DLG2: variants seen among roughly 807,000 people sequenced by gnomAD.
DLG2 encodes the protein discs large MAGUK scaffold protein 2.
In DLG2, 45 loss-of-function variants were observed where a neutral mutation model predicts 132.5. The ratio of observed to expected loss-of-function variants is 0.34; its 90% CI spans 0.27 to 0.44. The LOEUF (loss-of-function observed/expected upper bound fraction) is 0.44, where lower values mean the gene tolerates loss of function less well. Among genes scored for constraint, DLG2 ranks in the 20% least tolerant of loss-of-function variants. The pLI, the probability that DLG2 is intolerant of heterozygous loss-of-function variation, is 1.00. For missense variants in DLG2, 1,045 were observed against 1,196.9 expected, an observed-to-expected ratio of 0.87 and a Z score of 1.87; for synonymous variants, 424 against 419.6, an observed-to-expected ratio of 1.01 and a Z score of -0.13.
intron 25 of DLG2, among the ~76,000 whole-genome samples, chr11:83,468,815 T>C (rs1362628393): frequency 6.6e-6 from 1 of 152,136 alleles, no homozygotes; most frequent in African/African-American, 2.4e-5. Flanking sequence ...TCTTCTCTTC[T>C]ACCATGAGGA....
chr11:84,657,894 C>A (rs758824034), intron 6 of DLG2, among the ~76,000 whole-genome samples: 1 of 152,204 alleles, frequency 6.6e-6, no homozygotes, highest in Non-Finnish European at 1.5e-5. Context: ...AACGGTCATT[C>A]CTTTTTCCTT....
intron 3 of DLG2, among the ~76,000 whole-genome samples, chr11:85,529,795 C>T (rs973611429): frequency 2.0e-5 from 3 of 152,148 alleles, no homozygotes; most frequent in African/African-American, 7.2e-5. Flanking sequence ...CCACCAAATA[C>T]AGTTATATGT....
chr11:84,502,513 A>T (rs949087166), intron 7 of DLG2, among the ~76,000 whole-genome samples: 5 of 150,200 alleles, frequency 3.3e-5, no homozygotes, highest in African/African-American at 1.2e-4. Context: ...CTCGTTATTC[A>T]GCTTCCCAAG....
chr11:84,245,912 G>A (rs1598296967), intron 8 of DLG2, among the ~76,000 whole-genome samples: 1 of 152,054 alleles, frequency 6.6e-6, no homozygotes, highest in Non-Finnish European at 1.5e-5. Context: ...CCCCTAATTC[G>A]AGCTTGGCAA....
intron 6 of DLG2, among the ~76,000 whole-genome samples, chr11:84,755,675 G>A (rs953827262): frequency 1.6e-4 from 25 of 152,280 alleles, no homozygotes; most frequent in East Asian, 5.8e-4. Flanking sequence ...CACCCGCCTC[G>A]GCCTCCCGAA....
chr11:85,060,632 T>G (rs575245642), intron 6 of DLG2, among the ~76,000 whole-genome samples: 1 of 151,754 alleles, frequency 6.6e-6, no homozygotes, highest in Non-Finnish European at 1.5e-5. Context: ...TAATGCTGCA[T>G]TGAATGCAGA....
intron 4 of DLG2, among the ~76,000 whole-genome samples, chr11:85,155,866 A>T (rs1467615670): frequency 1.3e-5 from 2 of 152,030 alleles, no homozygotes; most frequent in Non-Finnish European, 2.9e-5. Flanking sequence ...ATCAAAAAAA[A>T]AAAAAAAAAA....
chr11:84,738,331 G>GTA (rs750230931), intron 6 of DLG2, among the ~76,000 whole-genome samples: 80 of 151,490 alleles, frequency 5.3e-4, no homozygotes, highest in Non-Finnish European at 7.1e-4. Flanking sequence ...TTTCAGTAAT[G>GTA]TATATACCCT....
intron 5 of DLG2, among the ~76,000 whole-genome samples, chr11:85,147,905 C>A (rs1040392980): frequency 2.0e-5 from 3 of 151,816 alleles, no homozygotes; most frequent in African/African-American, 7.3e-5. Flanking sequence ...CCTCCCCTTG[C>A]CCCCCACCCC....
At chr11:83,813,475 G>A (rs2153967992) in intron 17 of DLG2, among the ~76,000 whole-genome samples, 1 of 152,208 alleles carries the variant, frequency 6.6e-6, no homozygotes, top group Admixed American at 6.5e-5. Flanking sequence ...GCTCCTGCTT[G>A]AGTAACTACA....
chr11:84,566,125 A>C (rs2154526977), intron 6 of DLG2, among the ~76,000 whole-genome samples: 1 of 150,748 alleles, frequency 6.6e-6, no homozygotes, highest in East Asian at 2.0e-4. Flanking sequence ...CGCCCAGCTA[A>C]TTTTTTTTTG....
chr11:83,988,411 T>G (rs1277331779), intron 11 of DLG2, among the ~76,000 whole-genome samples: 2 of 152,184 alleles, frequency 1.3e-5, no homozygotes, highest in African/African-American at 2.4e-5. Flanking sequence ...TTTGGTTCCA[T>G]AAGAATTTTA....
At chr11:84,367,450 G>C (rs1035919921) in intron 7 of DLG2, among the ~76,000 whole-genome samples, 1 of 152,090 alleles carries the variant, frequency 6.6e-6, no homozygotes, top group African/African-American at 2.4e-5. Context: ...TCCCATTCAA[G>C]CAGGATGATT....
chr11:85,008,677 G>A (rs2058903511), intron 6 of DLG2, among the ~76,000 whole-genome samples: 1 of 151,910 alleles, frequency 6.6e-6, no homozygotes, highest in Non-Finnish European at 1.5e-5. Context: ...TTCATTCAAT[G>A]CATAAATATT....
intron 18 of DLG2, among the ~76,000 whole-genome samples, chr11:83,757,284 T>C (rs1198376917): frequency 6.6e-6 from 1 of 152,250 alleles, no homozygotes; most frequent in East Asian, 1.9e-4. Flanking sequence ...TTGATACTGC[T>C]TTGGTTCTTA....
At chr11:83,923,686 T>A (rs898688020) in intron 15 of DLG2, among the ~76,000 whole-genome samples, 5 of 152,160 alleles carry the variant, frequency 3.3e-5, no homozygotes, top group African/African-American at 4.8e-5. Flanking sequence ...CCACCTGTTT[T>A]ATTTAATAAA....
rs188656614 is a variant in DLG2, at chr11:83,879,758, G to A, written c.1497-5270C>T. Among the ~76,000 whole-genome samples, 140 of 152,188 alleles carry A rather than the reference G, an allele frequency of 9.2e-4. 2 individuals are homozygous for A. The highest frequency in any genetic ancestry group is 3.2e-3 in the African/African-American group (133 of 41,520). Reference sequence around the variant, plus strand: ...AATTGGGCACTTATTATACACCAGGGATTGTGTTAGGTGCTTGGGATGACT... The same window carrying A: ...AATTGGGCACTTATTATACACCAGGAATTGTGTTAGGTGCTTGGGATGACT... On this transcript the variant is annotated intron_variant, in intron 15 of 27. Transcript: ENST00000376104.
chr11:84,111,118 G>A (rs1486728093), intron 9 of DLG2, among the ~76,000 whole-genome samples: 2 of 152,080 alleles, frequency 1.3e-5, no homozygotes, highest in Admixed American at 6.6e-5. Context: ...ATTCTATTGT[G>A]AGAATCAATG....
intron 7 of DLG2, among the ~76,000 whole-genome samples, chr11:84,271,711 A>G (rs983781647): frequency 3.9e-5 from 6 of 152,180 alleles, no homozygotes; most frequent in Non-Finnish European, 5.9e-5. Flanking sequence ...CAACAACAAC[A>G]CAAACAAATA....
Sources: allele counts gnomAD v4.1 joint callset (sites outside exome capture counted in the v4.1 genomes callset), GRCh38; gene constraint gnomAD v4.1.1; transcripts MANE v1.5; gene names NCBI Gene and HGNC (gene_info 2026-07-23, HGNC 2026-07-21).